The following CRYAB variants were observed in gnomAD, a reference collection of about 807,000 sequenced individuals.
The protein encoded by CRYAB is alpha-crystallin B chain.
Under a neutral mutation model 12.7 loss-of-function variants are expected in CRYAB, and 9 were observed. The ratio of observed to expected loss-of-function variants is 0.71; its 90% CI spans 0.43 to 1.24. CRYAB has a LOEUF of 1.24. Among genes scored for constraint, CRYAB ranks in the 50% most tolerant of loss-of-function variants. The pLI is 0.00. For missense variants in CRYAB, 183 were observed against 226.6 expected (o/e 0.81, Z 1.24); for synonymous variants, 93 against 86.8 (o/e 1.07, Z -0.40).
chr11:111,909,456 C>G (rs1250655103), intron 2 of CRYAB, among the ~76,000 whole-genome samples: 3 of 152,056 alleles, frequency 2.0e-5, no homozygotes, highest in Non-Finnish European at 2.9e-5. Flanking sequence ...TTGAAACAGC[C>G]TGAGGACATT....
chr11:111,912,731 C>T, upstream of CRYAB: 1 of 888,814 alleles, frequency 1.1e-6, no homozygotes, highest in South Asian at 1.5e-5. Flanking sequence ...ACCCCGCCCC[C>T]ACCTCCTATC....
chr11:111,910,241 C>A (rs1021888004), intron 2 of CRYAB, 86 bp downstream of exon 2: 2 of 1,548,822 alleles, frequency 1.3e-6, no homozygotes, highest in Non-Finnish European at 1.8e-6. Flanking sequence ...TGGAATGTAG[C>A]CAGCCTCCAA....
chr11:111,911,928 A>G, upstream of CRYAB: 1 of 585,222 alleles, frequency 1.7e-6, no homozygotes, highest in East Asian at 2.8e-5. Flanking sequence ...CTGAGCTAAG[A>G]AAAGAGAGAC....
chr11:111,922,346 C>T (rs1965713855), intron 1 of CRYAB, among the ~76,000 whole-genome samples: 1 of 152,138 alleles, frequency 6.6e-6, no homozygotes, highest in Non-Finnish European at 1.5e-5. Context: ...CTCAATAAAC[C>T]TCCAGAGGCT....
chr11:111,911,440 G>A, intron 1 of CRYAB, 84 bp downstream of exon 1: 1 of 1,421,626 alleles, frequency 7.0e-7, no homozygotes, highest in South Asian at 1.2e-5. Context: ...AATGGTTTAG[G>A]CAGGGTAGGA....
chr11:111,912,786 T>C (rs1965506957), upstream of CRYAB: 1 of 1,441,856 alleles, frequency 6.9e-7, no homozygotes, highest in South Asian at 1.2e-5. Context: ...GCTGCGCCTG[T>C]TGGGGCTGCA....
upstream of CRYAB, chr11:111,913,646 T>A (rs782340446): frequency 6.2e-7 from 1 of 1,614,136 alleles, no homozygotes. Flanking sequence ...TGGAGGTGTC[T>A]GCCCGGCACC....
intron 1 of CRYAB, among the ~76,000 whole-genome samples, chr11:111,920,777 A>G (rs1030295119): frequency 6.6e-6 from 1 of 152,096 alleles, no homozygotes; most frequent in Non-Finnish European, 1.5e-5. Flanking sequence ...AATGAAAATA[A>G]AAATAAAAGG....
upstream of CRYAB, chr11:111,914,036 A>G: frequency 1.3e-6 from 1 of 770,128 alleles, no homozygotes; most frequent in South Asian, 1.9e-5. Context: ...GTCCCATGGG[A>G]CATGTCATAG....
rs782234925 is a variant in CRYAB at position 111,918,815 on chromosome 11, C to T, written c.-199+4888G>A. The T allele has an allele frequency of 1.2e-4, 94 of 763,336 alleles. 1 individual carries two copies. The highest frequency in any genetic ancestry group is 7.2e-4 in the South Asian group (49 of 68,362). The allele number at this position is 763,336 out of a possible 1,614,324, so 47.3% of individuals were successfully genotyped here. A position where few individuals can be genotyped will look rare whatever the true frequency, so the allele number is the denominator to read the frequency against. On this transcript the variant is annotated intron_variant, in intron 1 of 3. Transcript: ENST00000527950. ...GCTGGGAACACAGTCACCTGGGAAT[C>T]ATTCCAGCAGGTGGCTTCAAAAGTC...
At chr11:111,917,939 CTTTA>C (rs1351469765), upstream of CRYAB, 1 of 152,150 alleles carries the variant, frequency 6.6e-6, no homozygotes, top group Non-Finnish European at 1.5e-5. Context: ...TGCACTAGAG[CTTTA>C]TTTTTCACCA....
At chr11:111,918,745 T>G in intron 1 of CRYAB, 1 of 683,150 alleles carries the variant, frequency 1.5e-6, no homozygotes, top group East Asian at 2.7e-5. Flanking sequence ...AATCCTGAAG[T>G]TGAGATAGCT....
chr11:111,917,243 G>T (rs1965610179), upstream of CRYAB, among the ~76,000 whole-genome samples: 1 of 152,186 alleles, frequency 6.6e-6, no homozygotes. Flanking sequence ...GGCTTGGAGT[G>T]CCAGGCTAAG....
At chr11:111,915,900 G>A (rs587603060), upstream of CRYAB, among the ~76,000 whole-genome samples, 1 of 151,836 alleles carries the variant, frequency 6.6e-6, no homozygotes, top group South Asian at 2.1e-4. Flanking sequence ...GTGCCACCAC[G>A]CCTGGCTAAT....
Position 111,908,622 on chromosome 11 carries a change from AT to A in CRYAB, c.*141del. The A allele has an allele frequency of 1.4e-6, 1 of 725,428 alleles. No individual in the cohort carries two copies. Among genetic ancestry groups the A allele is most frequent in the East Asian group, 2.7e-5 (1 of 37,426 alleles). The allele number at this position is 725,428 out of a possible 1,614,324, so 44.9% of individuals were successfully genotyped here. ...TGGAATATTCAAACACAAGACAGTT[AT>A]CTGTTGCTGAATGATATTTTATTAG... On this transcript the variant is annotated 3_prime_UTR_variant, in exon 3 of 3. Transcript: ENST00000650687.
chr11:111,910,389 C>T lies in CRYAB; in HGVS notation c.262G>A (p.Glu88Lys). Reference sequence around the variant, plus strand: ...TCTCCCAACACCTTAACTTTGAGTTCCTCTGGGGAGAAGTGCTTCACATCC... The same window carrying T: ...TCTCCCAACACCTTAACTTTGAGTTTCTCTGGGGAGAAGTGCTTCACATCC... ...NLDVKHFSPE[E>K]LKVKVLGDVI... The change falls in exon 2 of 3, where the codon GAA becomes AAA. Residue 88 changes from glutamate (E) to lysine (K), a missense_variant. By Grantham distance (56) the Glu-to-Lys change is moderately conservative (BLOSUM62 1). Coordinates refer to ENST00000650687, the MANE Select transcript of CRYAB (RefSeq NM_001289808.2). 3.1e-6 allele frequency: 5 copies of T among 1,614,188 alleles called. No individual in the cohort carries two copies. The highest frequency in any genetic ancestry group is 4.2e-6 in the Non-Finnish European group (5 of 1,180,020).
At chr11:111,909,889 G>A (rs1272619165) in intron 2 of CRYAB, 1 of 485,546 alleles carries the variant, frequency 2.1e-6, no homozygotes, top group African/African-American at 1.9e-5. Flanking sequence ...CTTGACTGTA[G>A]ATTAGAATTA....
In CRYAB at chr11:111,910,307, CAAAA is replaced by C; in HGVS notation, c.324+16_324+19del. The stretch of plus-strand genomic sequence containing the variant: ...ATGCACTGAATGAATGAGCAGAAAA[CAAAA>C]AAACAAGCTACATACCTGGCGCTCT... On this transcript the variant is annotated intron_variant, in intron 2 of 2. Coordinates refer to ENST00000650687, the MANE Select transcript of CRYAB (RefSeq NM_001289808.2). The C allele has an allele frequency of 6.2e-7, 1 of 1,613,920 alleles. No homozygotes were observed. Among genetic ancestry groups the C allele is most frequent in the South Asian group, 1.1e-5 (1 of 91,088 alleles).
intron 1 of CRYAB, among the ~76,000 whole-genome samples, chr11:111,921,924 C>T (rs1358468600): frequency 6.6e-6 from 1 of 152,102 alleles, no homozygotes; most frequent in East Asian, 1.9e-4. Context: ...CCTTAGCCTC[C>T]CAGGTGTAAG....
Sources: allele counts gnomAD v4.1 joint callset (sites outside exome capture counted in the v4.1 genomes callset), GRCh38; gene constraint gnomAD v4.1.1; transcripts MANE v1.5; gene names NCBI Gene and HGNC (gene_info 2026-07-23, HGNC 2026-07-21).